The following DSCAML1 variants were observed in gnomAD, a reference collection of about 807,000 sequenced individuals.
DSCAML1 encodes the protein cell adhesion molecule DSCAML1.
Under a neutral mutation model 200.5 loss-of-function variants are expected in DSCAML1, and 38 were observed. The ratio of observed to expected loss-of-function variants is 0.19; its 90% CI spans 0.15 to 0.25. The LOEUF is 0.25. DSCAML1 is among the 10% of genes least tolerant of loss of function. DSCAML1 has a pLI of 1.00. For synonymous variants in DSCAML1, 1,215 were observed against 1,165.0 expected (o/e 1.04, Z -0.87); for missense variants, 2,223 against 2,858.8 (o/e 0.78, Z 5.07).
intron 3 of DSCAML1, among the ~76,000 whole-genome samples, chr11:117,723,928 T>TA (rs1182594365): frequency 6.6e-6 from 1 of 152,226 alleles, no homozygotes; most frequent in African/African-American, 2.4e-5. Flanking sequence ...CCCAGGTTTT[T>TA]ATTACCTTTC....
chr11:117,666,052 G>A (rs1432081061), intron 3 of DSCAML1, among the ~76,000 whole-genome samples: 1 of 152,198 alleles, frequency 6.6e-6, no homozygotes, highest in East Asian at 1.9e-4. Context: ...CATCACTGCG[G>A]TCAGAGCTCA....
chr11:117,573,019 G>A (rs2050872479), intron 3 of DSCAML1, among the ~76,000 whole-genome samples: 1 of 152,156 alleles, frequency 6.6e-6, no homozygotes, highest in African/African-American at 2.4e-5. Context: ...TGTTATCTTA[G>A]CTGTTCTTCA....
intron 3 of DSCAML1, among the ~76,000 whole-genome samples, chr11:117,587,241 C>T (rs1177471740): frequency 8.1e-6 from 1 of 124,206 alleles, no homozygotes; most frequent in Non-Finnish European, 1.6e-5. Flanking sequence ...TGAGCTCATT[C>T]GATTCTTTCC....
chr11:117,446,631 T>C (rs911224526), intron 20 of DSCAML1, among the ~76,000 whole-genome samples: 1 of 152,092 alleles, frequency 6.6e-6, no homozygotes, highest in Non-Finnish European at 1.5e-5. Flanking sequence ...ATAAGGCACA[T>C]TTATAAAAAA....
At chr11:117,725,801 CACAAAACAAAACAAAACAAAACAAA>C (rs72442656) in intron 3 of DSCAML1, among the ~76,000 whole-genome samples, 124 of 147,890 alleles carry the variant, frequency 8.4e-4, no homozygotes, top group African/African-American at 2.8e-3. Flanking sequence ...GGTTATGCTA[CACAAAACAAAACAAAACAAAACAAA>C]ACAAAACAAA....
intron 3 of DSCAML1, among the ~76,000 whole-genome samples, chr11:117,683,490 A>G (rs151017595): frequency 3.7e-4 from 56 of 152,354 alleles, no homozygotes; most frequent in Non-Finnish European, 7.5e-4. Context: ...GCAAAGCTCA[A>G]CGACATGCAG....
intron 11 of DSCAML1, among the ~76,000 whole-genome samples, chr11:117,497,311 C>A (rs1314326040): frequency 6.6e-6 from 1 of 152,110 alleles, no homozygotes; most frequent in Admixed American, 6.5e-5. Context: ...CTAAATGAAC[C>A]ACTTGTTTTG....
rs145428306 is a variant in DSCAML1, at chr11:117,625,895, C to T, written c.512-93373G>A. On this transcript the variant is annotated intron_variant, in intron 3 of 32. Coordinates refer to ENST00000651296, the MANE Select transcript of DSCAML1 (RefSeq NM_020693.4). ...GTCCCCTATCAGAAACACTATTAAT[C>T]CTGGGGCTGTGGCAGTCTATGAGGC... 2.9e-3 allele frequency among the ~76,000 whole-genome samples: 438 copies of T among 152,328 alleles called. 4 individuals are homozygous for T. The highest frequency in any genetic ancestry group is 9.9e-3 in the African/African-American group (413 of 41,572).
In DSCAML1 at chr11:117,660,395, T is replaced by G. The variant is rs7936417; in HGVS notation, c.511+116396A>C. The stretch of plus-strand genomic sequence containing the variant: ...GTCTTTGGGCAAATGGCTTTCCCCA[T>G]CTGGGCCCCAGGTTCCTCAGCCGAA... On this transcript the variant is annotated intron_variant, in intron 3 of 32. Coordinates refer to ENST00000651296, the MANE Select transcript of DSCAML1 (RefSeq NM_020693.4). Among the ~76,000 whole-genome samples, 528 of 152,320 alleles carry G rather than the reference T, an allele frequency of 3.5e-3. 17 individuals carry two copies. In the East Asian group the frequency reaches 0.081, roughly 23 times the overall value.
intron 3 of DSCAML1, among the ~76,000 whole-genome samples, chr11:117,630,139 C>T (rs1016160218): frequency 4.6e-5 from 7 of 152,198 alleles, no homozygotes; most frequent in Non-Finnish European, 1.0e-4. Flanking sequence ...TGTCACCCCT[C>T]CTGCCCTTCT....
intron 3 of DSCAML1, among the ~76,000 whole-genome samples, chr11:117,622,698 A>G (rs568127167): frequency 6.0e-4 from 92 of 152,214 alleles, no homozygotes; most frequent in African/African-American, 2.1e-3. Context: ...GACGGGAGCC[A>G]AAGACCCAGA....
intron 3 of DSCAML1, among the ~76,000 whole-genome samples, chr11:117,747,195 C>T (rs868617294): frequency 2.0e-5 from 3 of 152,208 alleles, no homozygotes; most frequent in Non-Finnish European, 2.9e-5. Flanking sequence ...CTCTTGCGGC[C>T]TCTGCCTGCT....
rs774884169 is a variant in DSCAML1 at position 117,482,140 on chromosome 11, G to A, written c.2382C>T (p.His794=). The change falls in exon 12 of 33, where the codon CAC becomes CAT. Residue 794 remains histidine (H), a synonymous_variant. Transcript: ENST00000651296. ...CCTTGATGGCGATGGTGGTGTTGGGGTGGGAAGTGATCATGGCCGGGACTG... is the reference window on the plus strand; with the variant it reads ...CCTTGATGGCGATGGTGGTGTTGGGATGGGAAGTGATCATGGCCGGGACTG... ...TVKIPAMITS[H]PNTTIAIKGH... The A allele has an allele frequency of 1.9e-6, 3 of 1,614,042 alleles. No individual in the cohort carries two copies. Among genetic ancestry groups the A allele is most frequent in the Non-Finnish European group, 2.5e-6 (3 of 1,180,006 alleles).
At position 117,463,039 on chromosome 11, in the gene DSCAML1, G is replaced by T. The variant is rs887951060; in HGVS notation, c.3266-1443C>A. 6.6e-6 allele frequency among the ~76,000 whole-genome samples: 1 copy of T among 152,216 alleles called. No individual in the cohort carries two copies. Among genetic ancestry groups the T allele is most frequent in the African/African-American group, 2.4e-5 (1 of 41,458 alleles). ...CCCGGGTGGTGCATGGGAGCTTAGC[G>T]TTAGGTGGGGCAGGCTGGCCTCGGC... On this transcript the variant is annotated intron_variant, in intron 17 of 32. Transcript: ENST00000651296. The surrounding 1 kb of genome is among the most constrained non-coding windows in gnomAD (Gnocchi z 4.0).
intron 3 of DSCAML1, among the ~76,000 whole-genome samples, chr11:117,661,486 A>T (rs1195748644): frequency 6.6e-6 from 1 of 152,184 alleles, no homozygotes; most frequent in Non-Finnish European, 1.5e-5. Context: ...CTCATTACAA[A>T]CATCAAGTTA....
intron 3 of DSCAML1, among the ~76,000 whole-genome samples, chr11:117,599,771 G>A (rs148773231): frequency 1.3e-5 from 2 of 152,212 alleles, no homozygotes; most frequent in Non-Finnish European, 2.9e-5. Flanking sequence ...TGGGCATACA[G>A]TGCACAGAGA....
intron 3 of DSCAML1, among the ~76,000 whole-genome samples, chr11:117,679,819 G>A (rs1018702793): frequency 1.3e-5 from 2 of 152,196 alleles, no homozygotes; most frequent in African/African-American, 4.8e-5. Flanking sequence ...CCGTTAGAAT[G>A]TACATCATGT....
chr11:117,435,162 GA>G (rs1468853700), intron 27 of DSCAML1, among the ~76,000 whole-genome samples: 1 of 152,146 alleles, frequency 6.6e-6, no homozygotes. Context: ...TCAGGTAATG[GA>G]AAAAGGGGAT....
chr11:117,532,086 T>G (rs545708121), intron 4 of DSCAML1, among the ~76,000 whole-genome samples: 1 of 149,252 alleles, frequency 6.7e-6, no homozygotes, highest in Non-Finnish European at 1.5e-5. Flanking sequence ...ATAGTTACTA[T>G]GTTTGAGTAT....
Sources: allele counts gnomAD v4.1 joint callset (sites outside exome capture counted in the v4.1 genomes callset), GRCh38; gene constraint gnomAD v4.1.1; non-coding constraint Gnocchi (gnomAD v3.1); transcripts MANE v1.5; gene names NCBI Gene and HGNC (gene_info 2026-07-23, HGNC 2026-07-21).